The following KCNJ6 variants were observed in gnomAD, a reference collection of about 807,000 sequenced individuals.
KCNJ6 encodes G protein-activated inward rectifier potassium channel 2.
KCNJ6 carries 9 observed loss-of-function variants against 34.2 expected under a neutral mutation model. That is an observed-to-expected ratio of 0.26 (90% CI 0.16 to 0.46). The LOEUF is 0.46. Among genes scored for constraint, KCNJ6 ranks in the 20% least tolerant of loss-of-function variants. KCNJ6 has a pLI of 1.00. For missense variants in KCNJ6, 236 were observed against 531.3 expected, an observed-to-expected ratio of 0.44 and a Z score of 5.46; for synonymous variants, 196 against 207.1, an observed-to-expected ratio of 0.95 and a Z score of 0.46.
At chr21:37,668,807 G>A (rs1386603439) in intron 3 of KCNJ6, among the ~76,000 whole-genome samples, 1 of 152,146 alleles carries the variant, frequency 6.6e-6, no homozygotes, top group Non-Finnish European at 1.5e-5. Flanking sequence ...ACTGACTCTA[G>A]TATAACATCA....
chr21:37,639,212 C>A (rs2054370707), intron 3 of KCNJ6, among the ~76,000 whole-genome samples: 1 of 152,200 alleles, frequency 6.6e-6, no homozygotes, highest in Non-Finnish European at 1.5e-5. Flanking sequence ...TAAAACCCAC[C>A]CTCCTTTGAT....
At chr21:37,669,032 A>G (rs1342142648) in intron 3 of KCNJ6, among the ~76,000 whole-genome samples, 2 of 152,192 alleles carry the variant, frequency 1.3e-5, no homozygotes, top group Non-Finnish European at 2.9e-5. Flanking sequence ...ATTGCCATCT[A>G]TTGTCTCAAA....
intron 2 of KCNJ6, among the ~76,000 whole-genome samples, chr21:37,803,408 T>A (rs776223701): frequency 2.0e-5 from 3 of 152,134 alleles, no homozygotes; most frequent in Non-Finnish European, 4.4e-5. Flanking sequence ...CGGAAATAAG[T>A]CTGTGGTGAT....
intron 3 of KCNJ6, among the ~76,000 whole-genome samples, chr21:37,650,792 A>C (rs1319987303): frequency 6.6e-6 from 1 of 152,246 alleles, no homozygotes; most frequent in African/African-American, 2.4e-5. Flanking sequence ...TCTGGCGTTT[A>C]GTAAATATGT....
intron 3 of KCNJ6, among the ~76,000 whole-genome samples, chr21:37,673,924 G>A (rs1013818357): frequency 3.9e-5 from 6 of 152,152 alleles, no homozygotes; most frequent in East Asian, 3.9e-4. Context: ...AGCAGGGAGA[G>A]CTGATGCTGT....
chr21:37,709,868 ATGGGT>A (rs1407588519), intron 3 of KCNJ6, among the ~76,000 whole-genome samples: 2 of 152,214 alleles, frequency 1.3e-5, no homozygotes, highest in African/African-American at 4.8e-5. Context: ...AGGATGGGTG[ATGGGT>A]TGCCTTCACC....
chr21:37,808,285 T>C lies in KCNJ6; in HGVS notation c.25+32373A>G, dbSNP rs554121856. 7.9e-5 allele frequency among the ~76,000 whole-genome samples: 12 copies of C among 152,316 alleles called. No individual in the cohort carries two copies. The East Asian group carries it at 1.2e-3, about 15-fold the overall frequency. ...TTGTGCATGATCTCAAATGGGCTGA[T>C]TATTTTGGTCCTGGGCTATCAAGTT... On this transcript the variant is annotated intron_variant, in intron 2 of 3. Coordinates refer to ENST00000609713, the MANE Select transcript of KCNJ6 (RefSeq NM_002240.5).
intron 1 of KCNJ6, among the ~76,000 whole-genome samples, chr21:37,878,866 T>G (rs185812839): frequency 6.6e-6 from 1 of 152,268 alleles, no homozygotes; most frequent in Admixed American, 6.5e-5. Context: ...ATGCTTGCTG[T>G]GAAAATGGCG....
intron 1 of KCNJ6, among the ~76,000 whole-genome samples, chr21:37,841,473 CTTGT>C (rs1232791523): frequency 6.6e-6 from 1 of 152,034 alleles, no homozygotes; most frequent in Non-Finnish European, 1.5e-5. Context: ...TTTTTGTAGC[CTTGT>C]TTTTCTGTGA....
intron 3 of KCNJ6, among the ~76,000 whole-genome samples, chr21:37,632,219 G>A (rs1457312964): frequency 7.6e-6 from 1 of 131,912 alleles, no homozygotes; most frequent in African/African-American, 2.5e-5. Context: ...TGCACAGGAC[G>A]GAAAACAATA....
intron 1 of KCNJ6, among the ~76,000 whole-genome samples, chr21:37,867,042 C>G (rs191454578): frequency 6.6e-6 from 1 of 152,174 alleles, no homozygotes; most frequent in East Asian, 1.9e-4. Flanking sequence ...TAGGTGGATG[C>G]TCAAATAATA....
At chr21:37,769,412 T>TTTTTTATTATTATTA (rs1423182963) in intron 2 of KCNJ6, among the ~76,000 whole-genome samples, 2 of 145,328 alleles carry the variant, frequency 1.4e-5, no homozygotes, top group African/African-American at 5.1e-5. Flanking sequence ...AGCCTTCAAT[T>TTTTTTATTATTATTA]TTATTATTAT....
Position 37,714,101 on chromosome 21 carries a change from C to T in KCNJ6, c.946+110G>A. 1 of 788,632 alleles carries T rather than the reference C, an allele frequency of 1.3e-6. No individual in the cohort carries two copies. The highest frequency in any genetic ancestry group is 1.7e-5 in the South Asian group (1 of 59,948). 48.9% of individuals were successfully genotyped at this position (788,632 alleles called of 1,614,324 possible). A position where few individuals can be genotyped will look rare whatever the true frequency, so the allele number is the denominator to read the frequency against. ...ATGTCATGAAGCAAGGGGATGTTGT[C>T]AATATTGAGTGAGGTTCAGTATTCT... On this transcript the variant is annotated intron_variant, in intron 3 of 3. Transcript: ENST00000609713. The surrounding 1 kb of genome is among the most constrained non-coding windows in gnomAD (Gnocchi z 5.9).
At chr21:37,764,293 G>A (rs2055080352) in intron 2 of KCNJ6, among the ~76,000 whole-genome samples, 1 of 152,124 alleles carries the variant, frequency 6.6e-6, no homozygotes, top group Non-Finnish European at 1.5e-5. Context: ...GCCATCAGCA[G>A]AGTATTTAGG....
chr21:37,899,210 T>A (rs887803166), intron 1 of KCNJ6, among the ~76,000 whole-genome samples: 3 of 152,104 alleles, frequency 2.0e-5, no homozygotes, highest in African/African-American at 7.2e-5. Flanking sequence ...GGAAGAACAG[T>A]GAGAGGAAGA....
At chr21:37,891,882 G>C (rs1206823392) in intron 1 of KCNJ6, among the ~76,000 whole-genome samples, 1 of 152,048 alleles carries the variant, frequency 6.6e-6, no homozygotes, top group Admixed American at 6.5e-5. Context: ...GTGCTGGGCT[G>C]GGTGTGGGTT....
At chr21:37,787,048 T>C (rs1463611484) in intron 2 of KCNJ6, among the ~76,000 whole-genome samples, 1 of 152,196 alleles carries the variant, frequency 6.6e-6, no homozygotes, top group African/African-American at 2.4e-5. Context: ...AGAGTTGATG[T>C]TACTCATTTT....
At chr21:37,690,537 A>C (rs80055126) in intron 3 of KCNJ6, among the ~76,000 whole-genome samples, 2,324 of 152,272 alleles carry the variant, frequency 0.015, 35 homozygotes, top group Middle Eastern at 0.027. Flanking sequence ...AGTCTTAGGA[A>C]ACCTCAGGAT....
chr21:37,784,571 G>C (rs1212463720), intron 2 of KCNJ6, among the ~76,000 whole-genome samples: 22 of 152,244 alleles, frequency 1.4e-4, no homozygotes, highest in Non-Finnish European at 2.9e-5. Flanking sequence ...ACCTCAACCT[G>C]GATAGCATGG....
Sources: allele counts gnomAD v4.1 joint callset (sites outside exome capture counted in the v4.1 genomes callset), GRCh38; gene constraint gnomAD v4.1.1; non-coding constraint Gnocchi (gnomAD v3.1); transcripts MANE v1.5; gene names NCBI Gene and HGNC (gene_info 2026-07-23, HGNC 2026-07-21).